WDPCP: variants seen among roughly 807,000 people sequenced by gnomAD.
The protein encoded by WDPCP is WD repeat containing planar cell polarity effector.
Under a neutral mutation model 93.1 loss-of-function variants are expected in WDPCP, and 71 were observed. The observed-to-expected ratio is 0.76, with a 90% CI of 0.63 to 0.93. The LOEUF (loss-of-function observed/expected upper bound fraction) is 0.93, where lower values mean the gene tolerates loss of function less well. Ranked by LOEUF, WDPCP falls within the 40% of genes least tolerant of loss-of-function variation. The probability of loss-of-function intolerance (pLI) is 0.00; values close to 1 mark genes in which losing one functional copy is unlikely to be tolerated. For missense variants in WDPCP, 844 were observed against 887.4 expected, an observed-to-expected ratio of 0.95 and a Z score of 0.62; for synonymous variants, 315 against 315.0, an observed-to-expected ratio of 1.00 and a Z score of 0.00.
intron 13 of WDPCP, among the ~76,000 whole-genome samples, chr2:63,304,535 G>GACTGTACCGTGAGGA (rs1223578572): frequency 1.3e-5 from 2 of 152,152 alleles, no homozygotes; most frequent in Non-Finnish European, 2.9e-5. Context: ...TGCTGTGAGG[G>GACTGTACCGTGAGGA]ACTGTACCGT....
chr2:63,210,062 A>G (rs900956944), intron 14 of WDPCP, among the ~76,000 whole-genome samples: 1 of 152,048 alleles, frequency 6.6e-6, no homozygotes, highest in Admixed American at 6.5e-5. Flanking sequence ...TTAACTTGTC[A>G]TTAGAAAGAA....
At chr2:63,506,187 C>T (rs568334760) in intron 1 of WDPCP, among the ~76,000 whole-genome samples, 9 of 151,978 alleles carry the variant, frequency 5.9e-5, no homozygotes, top group Non-Finnish European at 1.3e-4. Context: ...TCAAGGTGTA[C>T]ATTTAATATA....
chr2:63,176,614 G>A (rs767958077), intron 14 of WDPCP, among the ~76,000 whole-genome samples: 10 of 151,436 alleles, frequency 6.6e-5, no homozygotes, highest in Non-Finnish European at 1.5e-4. Context: ...TTGTTTTTAA[G>A]TTGTAGGAGC....
At chr2:63,314,745 T>C (rs1288795960) in intron 12 of WDPCP, among the ~76,000 whole-genome samples, 1 of 152,074 alleles carries the variant, frequency 6.6e-6, no homozygotes, top group Non-Finnish European at 1.5e-5. Flanking sequence ...GGGCATTGCT[T>C]ATCAATTATC....
At chr2:63,601,640 G>C (rs1709420667) in intron 3 of WDPCP, among the ~76,000 whole-genome samples, 1 of 152,156 alleles carries the variant, frequency 6.6e-6, no homozygotes, top group Non-Finnish European at 1.5e-5. Flanking sequence ...CCTGGCCTTT[G>C]CTGTCCAGAC....
At chr2:63,403,973 A>C (rs779954400) in intron 10 of WDPCP, 75 bp downstream of exon 10, 1 of 1,586,732 alleles carries the variant, frequency 6.3e-7, no homozygotes, top group East Asian at 2.2e-5. Flanking sequence ...ACATTCTAAG[A>C]ATAGTTTTAT....
At chr2:63,413,712 G>A (rs959226108) in intron 9 of WDPCP, among the ~76,000 whole-genome samples, 2 of 152,048 alleles carry the variant, frequency 1.3e-5, no homozygotes, top group African/African-American at 4.8e-5. Context: ...GCAGGAGAAT[G>A]GTGTGAACCT....
chr2:63,608,385 T>C (rs1709576562), intron 3 of WDPCP, among the ~76,000 whole-genome samples: 1 of 152,102 alleles, frequency 6.6e-6, no homozygotes, highest in South Asian at 2.1e-4. Context: ...TTTTTAATAG[T>C]CTTGTTTTTT....
intron 3 of WDPCP, among the ~76,000 whole-genome samples, chr2:63,596,677 A>G (rs537839669): frequency 1.1e-4 from 17 of 152,366 alleles, no homozygotes; most frequent in Admixed American, 8.5e-4. Context: ...CTATGATGCA[A>G]CTAGCCAATT....
At chr2:63,636,987 G>C (rs1709927255) in intron 3 of WDPCP, among the ~76,000 whole-genome samples, 1 of 152,132 alleles carries the variant, frequency 6.6e-6, no homozygotes, top group African/African-American at 2.4e-5. Context: ...AAAGAGAAAA[G>C]CTCCTTGACA....
At chr2:63,181,590 C>T (rs1674245754) in intron 14 of WDPCP, among the ~76,000 whole-genome samples, 1 of 152,128 alleles carries the variant, frequency 6.6e-6, no homozygotes, top group Non-Finnish European at 1.5e-5. Flanking sequence ...GTTTTGGTTA[C>T]TGTAACCTCA....
At chr2:63,151,109 A>G (rs1671859047) in intron 17 of WDPCP, among the ~76,000 whole-genome samples, 1 of 152,256 alleles carries the variant, frequency 6.6e-6, no homozygotes. Context: ...CTTATTCTCT[A>G]TAAAGACCCT....
intron 1 of WDPCP, among the ~76,000 whole-genome samples, chr2:63,556,700 G>T (rs1053037511): frequency 1.3e-5 from 2 of 152,010 alleles, no homozygotes; most frequent in Non-Finnish European, 2.9e-5. Context: ...AAGATCAACC[G>T]CAAGACACAT....
intron 14 of WDPCP, among the ~76,000 whole-genome samples, chr2:63,206,847 C>G (rs1346332285): frequency 6.6e-6 from 1 of 152,026 alleles, no homozygotes; most frequent in Non-Finnish European, 1.5e-5. Flanking sequence ...GTAAAAAACC[C>G]ATAAAAATGG....
intron 13 of WDPCP, among the ~76,000 whole-genome samples, chr2:63,299,859 A>T (rs1212904957): frequency 6.6e-6 from 1 of 152,152 alleles, no homozygotes; most frequent in Admixed American, 6.5e-5. Flanking sequence ...TCATTTTCTA[A>T]CAAAGAACAG....
chr2:63,691,405 C>T (rs966175556), intron 2 of WDPCP, among the ~76,000 whole-genome samples: 2 of 152,066 alleles, frequency 1.3e-5, no homozygotes, highest in African/African-American at 4.8e-5. Context: ...GAGGCTAAGG[C>T]GGGCAGATCA....
chr2:63,300,784 G>A (rs952882117), intron 13 of WDPCP, among the ~76,000 whole-genome samples: 3 of 152,236 alleles, frequency 2.0e-5, no homozygotes, highest in Non-Finnish European at 2.9e-5. Flanking sequence ...CACAGTGACT[G>A]TCTCTCTCTT....
At chr2:63,389,176 G>A (rs1169338679) in intron 10 of WDPCP, among the ~76,000 whole-genome samples, 1 of 152,186 alleles carries the variant, frequency 6.6e-6, no homozygotes, top group Non-Finnish European at 1.5e-5. Flanking sequence ...ACAAAGGGAA[G>A]CTCATCAGAC....
At chr2:63,550,786 T>C (rs1558794485) in intron 1 of WDPCP, among the ~76,000 whole-genome samples, 1 of 52,230 alleles carries the variant, frequency 1.9e-5, no homozygotes. Context: ...TATGTACATA[T>C]ATATGTATAT....
Sources: gnomAD v4.1 joint callset for allele counts (sites outside exome capture counted in the v4.1 genomes callset) on GRCh38, gnomAD v4.1.1 for gene constraint, MANE v1.5 for transcripts, NCBI Gene and HGNC (gene_info 2026-07-23, HGNC 2026-07-21) for gene names.